The following TRPC4 variants were observed in gnomAD, a reference collection of about 807,000 sequenced individuals.
The protein encoded by TRPC4 is transient receptor potential cation channel subfamily C member 4, also known as short transient receptor potential channel 4.
Under a neutral mutation model 99.4 loss-of-function variants are expected in TRPC4, and 49 were observed. The ratio of observed to expected loss-of-function variants is 0.49; its 90% CI spans 0.39 to 0.63. TRPC4 has a LOEUF of 0.63. Ranked by LOEUF, TRPC4 falls within the 20% of genes least tolerant of loss-of-function variation. TRPC4 has a pLI of 0.00. For missense variants in TRPC4, 898 were observed against 1,152.9 expected (o/e 0.78, Z 3.20); for synonymous variants, 454 against 425.9 (o/e 1.07, Z -0.81).
chr13:37,779,700 C>T (rs1462643754), intron 2 of TRPC4, among the ~76,000 whole-genome samples: 1 of 151,938 alleles, frequency 6.6e-6, no homozygotes, highest in Non-Finnish European at 1.5e-5. Context: ...CAATCCCAGA[C>T]CCCATTCTTA....
chr13:37,825,425 C>T (rs2139561856), intron 1 of TRPC4, among the ~76,000 whole-genome samples: 1 of 151,994 alleles, frequency 6.6e-6, no homozygotes, highest in East Asian at 1.9e-4. Context: ...TATAAATTTC[C>T]CTCTACACAC....
At chr13:37,637,685 T>C in intron 10 of TRPC4, 60 bp from the exon 11 acceptor site, 1 of 1,477,816 alleles carries the variant, frequency 6.8e-7, no homozygotes, top group Non-Finnish European at 9.1e-7. Flanking sequence ...AACATCATTT[T>C]CTCGTCTCAT....
chr13:37,849,979 C>T (rs1959013501), intron 1 of TRPC4, among the ~76,000 whole-genome samples: 1 of 152,192 alleles, frequency 6.6e-6, no homozygotes, highest in Admixed American at 6.5e-5. Flanking sequence ...TAAGCTGCAA[C>T]AATACTGATG....
intron 3 of TRPC4, among the ~76,000 whole-genome samples, chr13:37,694,961 C>T (rs534650218): frequency 6.6e-6 from 1 of 152,316 alleles, no homozygotes; most frequent in South Asian, 2.1e-4. Context: ...TACTTGTCTA[C>T]ACCAGCATTC....
chr13:37,719,572 C>G (rs1477732352), intron 3 of TRPC4, among the ~76,000 whole-genome samples: 1 of 151,978 alleles, frequency 6.6e-6, no homozygotes, highest in African/African-American at 2.4e-5. Context: ...GAAAAATAAG[C>G]ATACCAATGT....
At chr13:37,783,455 C>A in intron 1 of TRPC4, 95 bp from the exon 2 acceptor site, 2 of 949,430 alleles carry the variant, frequency 2.1e-6, no homozygotes, top group Non-Finnish European at 2.9e-6. Context: ...ATATCAATAA[C>A]AACAATACCA....
intron 3 of TRPC4, among the ~76,000 whole-genome samples, chr13:37,697,361 A>C (rs758116301): frequency 2.6e-5 from 4 of 152,336 alleles, no homozygotes; most frequent in African/African-American, 4.8e-5. Flanking sequence ...GTCCGACATG[A>C]AATAAACTGA....
intron 3 of TRPC4, among the ~76,000 whole-genome samples, chr13:37,698,396 C>T (rs1953993685): frequency 5.3e-5 from 8 of 151,388 alleles, no homozygotes; most frequent in African/African-American, 2.4e-5. Flanking sequence ...CTCCTGACCT[C>T]GTGATCCGCC....
At chr13:37,785,300 C>G (rs1956940499) in intron 1 of TRPC4, among the ~76,000 whole-genome samples, 2 of 151,980 alleles carry the variant, frequency 1.3e-5, no homozygotes, top group South Asian at 4.1e-4. Context: ...CCTTTTTTCT[C>G]ATTCCCAGGT....
At chr13:37,644,244 C>A (rs570909761) in intron 8 of TRPC4, among the ~76,000 whole-genome samples, 9 of 151,794 alleles carry the variant, frequency 5.9e-5, no homozygotes, top group African/African-American at 2.2e-4. Context: ...GGATTTGTTA[C>A]CTTAAGAGAA....
intron 1 of TRPC4, among the ~76,000 whole-genome samples, chr13:37,852,823 C>T (rs1959092941): frequency 6.6e-6 from 1 of 152,098 alleles, no homozygotes; most frequent in Admixed American, 6.5e-5. Context: ...AGTGGCCTGG[C>T]AGAACTCCAC....
chr13:37,766,236 G>A (rs947228828), intron 2 of TRPC4, among the ~76,000 whole-genome samples: 1 of 151,294 alleles, frequency 6.6e-6, no homozygotes, highest in African/African-American at 2.4e-5. Flanking sequence ...TCTCTAAATT[G>A]GATGCAGCAG....
At chr13:37,811,208 T>C (rs912659573) in intron 1 of TRPC4, among the ~76,000 whole-genome samples, 1 of 152,062 alleles carries the variant, frequency 6.6e-6, no homozygotes, top group Admixed American at 6.6e-5. Flanking sequence ...AAAATCTCAA[T>C]AACAAAATTG....
chr13:37,678,756 C>T (rs558482094), intron 4 of TRPC4, among the ~76,000 whole-genome samples: 137 of 152,218 alleles, frequency 9.0e-4, no homozygotes, highest in African/African-American at 3.1e-3. Context: ...GCAAGTATTA[C>T]ACTGATAAAC....
In TRPC4 at chr13:37,634,998, T is replaced by A. The variant is rs1307554732; in HGVS notation, c.*1905A>T. Reference sequence around the variant, plus strand: ...CTCCTGGCTTTTCTGAAAATTAAAATCTAGTATTTCAAATTGAGTTCTGAG... The same window carrying A: ...CTCCTGGCTTTTCTGAAAATTAAAAACTAGTATTTCAAATTGAGTTCTGAG... On this transcript the variant is annotated 3_prime_UTR_variant, in exon 11 of 11. Transcript: ENST00000379705. Among the ~76,000 whole-genome samples the A allele has an allele frequency of 6.6e-6, 1 of 152,062 alleles. No individual in the cohort carries two copies. The highest frequency in any genetic ancestry group is 1.5e-5 in the Non-Finnish European group (1 of 67,972).
chr13:37,851,772 C>A (rs1056497427), intron 1 of TRPC4, among the ~76,000 whole-genome samples: 1 of 152,172 alleles, frequency 6.6e-6, no homozygotes, highest in Admixed American at 6.5e-5. Flanking sequence ...GCTGATACCA[C>A]CCCTCCCCTA....
In TRPC4 at chr13:37,663,531, G is replaced by C; in HGVS notation, c.1573C>G (p.Leu525Val). Residue 525 changes from leucine (L) to valine (V), a missense_variant, in exon 6 of 11, where the codon CTT becomes GTT. Transcript: ENST00000379705. ...DILKFLFIYC[L>V]VLLAFANGLN... Reference sequence around the variant, plus strand: ...CCATTTGCAAATGCTAGCAACACAAGGCAGTATATGAATAGAAACTTCAAA... The same window carrying C: ...CCATTTGCAAATGCTAGCAACACAACGCAGTATATGAATAGAAACTTCAAA... 1 of 1,614,154 alleles carries C rather than the reference G, an allele frequency of 6.2e-7. No individual in the cohort carries two copies. The highest frequency in any genetic ancestry group is 8.5e-7 in the Non-Finnish European group (1 of 1,180,010).
chr13:37,821,288 C>T lies in TRPC4; in HGVS notation c.-27-37928G>A, dbSNP rs148828568. ...TGAAAGATCTCTACAATAAGAATTA[C>T]AAAACACTGCTCAAAGAAATCAGAG... On this transcript the variant is annotated intron_variant, in intron 1 of 10. Transcript: ENST00000379705. Among the ~76,000 whole-genome samples the T allele has an allele frequency of 4.5e-3, 680 of 150,026 alleles. 4 individuals carry two copies. Among genetic ancestry groups the T allele is most frequent in the Non-Finnish European group, 5.1e-3 (342 of 67,664 alleles).
intron 1 of TRPC4, among the ~76,000 whole-genome samples, chr13:37,807,815 G>A (rs1957566645): frequency 6.6e-6 from 1 of 151,994 alleles, no homozygotes; most frequent in Non-Finnish European, 1.5e-5. Flanking sequence ...CCGAGCCAAA[G>A]GTGATTAATG....
Sources: allele counts gnomAD v4.1 joint callset (sites outside exome capture counted in the v4.1 genomes callset), GRCh38; gene constraint gnomAD v4.1.1; transcripts MANE v1.5; gene names NCBI Gene and HGNC (gene_info 2026-07-23, HGNC 2026-07-21).